STIL: variants seen among roughly 807,000 people sequenced by gnomAD.
STIL encodes the protein SCL-interrupting locus protein.
In STIL, 55 loss-of-function variants were observed where a neutral mutation model predicts 110.1. The observed-to-expected ratio is 0.50, with a 90% CI of 0.40 to 0.63. The LOEUF (loss-of-function observed/expected upper bound fraction) is 0.63. STIL is among the 20% of genes least tolerant of loss of function. The pLI, the probability that STIL is intolerant of heterozygous loss-of-function variation, is 0.00. For synonymous variants in STIL, 481 were observed against 530.0 expected (o/e 0.91, Z 1.27); for missense variants, 1,358 against 1,530.0 (o/e 0.89, Z 1.87).
intron 14 of STIL, among the ~76,000 whole-genome samples, 167 bp from the exon 15 acceptor site, chr1:47,263,283 A>C (rs1230308470): frequency 2.0e-5 from 3 of 152,226 alleles, no homozygotes; most frequent in East Asian, 3.8e-4. Flanking sequence ...GCAGTGGCTC[A>C]TGCCTGTAAT....
chr1:47,254,424 A>G (rs1644272240), intron 16 of STIL, among the ~76,000 whole-genome samples: 1 of 152,036 alleles, frequency 6.6e-6, no homozygotes, highest in Admixed American at 6.6e-5. Context: ...TACTTTGCCT[A>G]TTTCCTCAGT....
intron 9 of STIL, among the ~76,000 whole-genome samples, chr1:47,288,792 A>C (rs1333933562): frequency 8.0e-5 from 12 of 150,780 alleles, no homozygotes; most frequent in Admixed American, 6.6e-4. Context: ...CACACCTATA[A>C]TCCCAGCACT....
At chr1:47,300,327 GAAT>G (rs891645831) in intron 5 of STIL, among the ~76,000 whole-genome samples, 175 bp from the exon 6 acceptor site, 2 of 152,000 alleles carry the variant, frequency 1.3e-5, no homozygotes, top group African/African-American at 4.8e-5. Flanking sequence ...AAGATTATGT[GAAT>G]AATTATATCA....
At chr1:47,254,112 C>T (rs1482834688) in intron 16 of STIL, among the ~76,000 whole-genome samples, 1 of 128,960 alleles carries the variant, frequency 7.8e-6, no homozygotes, top group African/African-American at 2.9e-5. Flanking sequence ...ACACAGGAGG[C>T]GGAGGTTGCA....
Position 47,281,039 on chromosome 1 carries a change from T to A in STIL, c.1419A>T (p.Lys473Asn). Residue 473 changes from lysine (K) to asparagine (N), a missense_variant, in exon 12 of 17, where the codon AAA becomes AAT. By Grantham distance (94) the Lys-to-Asn change is moderately conservative. Coordinates refer to ENST00000371877, the MANE Select transcript of STIL (RefSeq NM_001048166.1). ...KPLQPQLYDE[K>N]HSPEVEAGEP... ...CTCCAGCTTCAACTTCTGGACTGTG[T>A]TTCTCATCATAAAGCTGGGGTTGCA... 1 of 1,614,166 alleles carries A rather than the reference T, an allele frequency of 6.2e-7. No homozygotes were observed. Among genetic ancestry groups the A allele is most frequent in the South Asian group, 1.1e-5 (1 of 91,078 alleles).
Position 47,301,564 on chromosome 1 carries a change from T to C in STIL, c.450A>G (p.Leu150=). 6.2e-7 allele frequency: 1 copy of C among 1,613,194 alleles called. No individual in the cohort carries two copies. Among genetic ancestry groups the C allele is most frequent in the East Asian group, 2.2e-5 (1 of 44,828 alleles). The change falls in exon 5 of 17, where the codon TTA becomes TTG. Residue 150 remains leucine (L), a synonymous_variant. Coordinates refer to ENST00000371877, the MANE Select transcript of STIL (RefSeq NM_001048166.1). ...VHSVDDFSSA[L]KALQCHICSK... ...TCAAGTTGTCAATGAATCGCACCTT[T>C]AAAGCTGAACTGAAGTCATCTACAC...
intron 16 of STIL, among the ~76,000 whole-genome samples, chr1:47,255,573 A>G (rs1172953723): frequency 4.1e-5 from 6 of 147,864 alleles, no homozygotes; most frequent in Non-Finnish European, 7.5e-5. Flanking sequence ...AAAAAAGTCA[A>G]CTTTGATTCA....
At chr1:47,272,714 T>C (rs1644877663) in intron 12 of STIL, among the ~76,000 whole-genome samples, 1 of 152,144 alleles carries the variant, frequency 6.6e-6, no homozygotes, top group Non-Finnish European at 1.5e-5. Flanking sequence ...CCTTTAAGTA[T>C]ACATTTAAAA....
At chr1:47,279,063 C>T (rs1645071337) in intron 12 of STIL, among the ~76,000 whole-genome samples, 1 of 151,896 alleles carries the variant, frequency 6.6e-6, no homozygotes, top group South Asian at 2.1e-4. Flanking sequence ...TTTGGGAGGC[C>T]GAGGTGGGAG....
rs115132661 is a variant in STIL at position 47,278,821 on chromosome 1, T to A, written c.2217+1420A>T. On this transcript the variant is annotated intron_variant, in intron 12 of 16. Coordinates refer to ENST00000371877, the MANE Select transcript of STIL (RefSeq NM_001048166.1). The stretch of plus-strand genomic sequence containing the variant: ...TCTCTAAAAAAAAAAGTAAAAATTT[T>A]AAAAAAAACTATACTTTACAATTTC... 9.0e-3 allele frequency among the ~76,000 whole-genome samples: 1,367 copies of A among 151,850 alleles called. 15 individuals are homozygous for A. Among genetic ancestry groups the A allele is most frequent in the African/African-American group, 0.029 (1,198 of 41,420 alleles).
rs771938956 is a variant in STIL at position 47,251,145 on chromosome 1, T to C, written c.3858A>G (p.Lys1286=). The change falls in exon 17 of 17, where the codon AAA becomes AAG. Residue 1286 remains lysine, a synonymous_variant. Transcript: ENST00000371877. ...GCAGGGAGTTAAAAGGTTAAAATAA[T>C]TTTGGTAACTGTCTGAGACGTTTTA... The part of the protein sequence containing the change: ...LDVKRLRQLP[K]LF The C allele has an allele frequency of 3.1e-6, 5 of 1,613,756 alleles. No homozygotes were observed. In the African/African-American group the frequency reaches 5.3e-5, roughly 17 times the overall value.
intron 16 of STIL, among the ~76,000 whole-genome samples, chr1:47,256,733 G>A (rs1242746079): frequency 1.3e-5 from 2 of 151,948 alleles, no homozygotes; most frequent in Non-Finnish European, 2.9e-5. Context: ...GGTGGCTCAC[G>A]CCTGTAATCC....
intron 13 of STIL, among the ~76,000 whole-genome samples, chr1:47,270,630 A>G (rs972265022): frequency 6.6e-6 from 1 of 151,208 alleles, no homozygotes; most frequent in Admixed American, 6.6e-5. Context: ...AATATCTGTA[A>G]TATCAGGCAG....
chr1:47,266,940 G>A (rs1157887580), intron 14 of STIL, among the ~76,000 whole-genome samples: 1 of 152,162 alleles, frequency 6.6e-6, no homozygotes, highest in Non-Finnish European at 1.5e-5. Flanking sequence ...GCTCCTGCCT[G>A]TATCTCAGAC....
intron 12 of STIL, among the ~76,000 whole-genome samples, chr1:47,279,465 A>G (rs1645087205): frequency 6.6e-6 from 1 of 152,106 alleles, no homozygotes; most frequent in African/African-American, 2.4e-5. Flanking sequence ...GAAAGAAGAA[A>G]AAAGACAACA....
rs760614545 is a variant in STIL, at chr1:47,287,696, TAAA to T, written c.1024-39_1024-37del. 3.3e-5 allele frequency: 49 copies of T among 1,493,918 alleles called. No homozygotes were observed. In the East Asian group the frequency reaches 1.1e-3, roughly 33 times the overall value. The allele number at this position is 1,493,918 out of a possible 1,614,324, so 92.5% of individuals were successfully genotyped here. ...GTAGGTCATATTTTGAGATCTGACT[TAAA>T]TAAGAACACCAGAGAATTCTATTTA... On this transcript the variant is annotated intron_variant, in intron 9 of 16. Coordinates refer to ENST00000371877, the MANE Select transcript of STIL (RefSeq NM_001048166.1).
intron 5 of STIL, among the ~76,000 whole-genome samples, chr1:47,301,170 C>T (rs1354777952): frequency 1.3e-5 from 2 of 152,092 alleles, no homozygotes; most frequent in Admixed American, 6.6e-5. Context: ...CTCAACCTCC[C>T]GGGCTCAAGC....
At position 47,251,117 on chromosome 1, in the gene STIL, AG is replaced by A; in HGVS notation, c.*18del. The A allele has an allele frequency of 6.2e-7, 1 of 1,609,620 alleles. No homozygotes were observed. The highest frequency in any genetic ancestry group is 8.5e-7 in the Non-Finnish European group (1 of 1,177,576). ...GGAGACACCCTGTCCCTGTATTAAA[AG>A]GGCAGGGAGTTAAAAGGTTAAAATA... On this transcript the variant is annotated 3_prime_UTR_variant, in exon 17 of 17. Coordinates refer to ENST00000371877, the MANE Select transcript of STIL (RefSeq NM_001048166.1).
Position 47,250,389 on chromosome 1 carries a change from T to C in STIL, c.*747A>G, listed in dbSNP as rs1001921529. 5.8e-6 allele frequency: 1 copy of C among 173,174 alleles called. No individual in the cohort carries two copies. Among genetic ancestry groups the C allele is most frequent in the Admixed American group, 6.4e-5 (1 of 15,724 alleles). 10.7% of individuals were successfully genotyped at this position (173,174 alleles called of 1,614,324 possible). ...TGTATAAAAGAGTGTAAGTTTTTAT[T>C]AAGTTGTTTTTAAAAATAACTTTTC... On this transcript the variant is annotated 3_prime_UTR_variant, in exon 17 of 17. Transcript: ENST00000371877.
Sources: allele counts gnomAD v4.1 joint callset (sites outside exome capture counted in the v4.1 genomes callset), GRCh38; gene constraint gnomAD v4.1.1; transcripts MANE v1.5; gene names NCBI Gene and HGNC (gene_info 2026-07-23, HGNC 2026-07-21).